The following MTCL1 variants were observed in gnomAD, a reference collection of about 807,000 sequenced individuals.
The protein encoded by MTCL1 is microtubule crosslinking factor 1.
Under a neutral mutation model 141.4 loss-of-function variants are expected in MTCL1, and 79 were observed. The observed-to-expected ratio is 0.56, with a 90% CI of 0.47 to 0.67. MTCL1 has a LOEUF of 0.67. MTCL1 is among the 30% of genes least tolerant of loss of function. The pLI is 0.00. For synonymous variants in MTCL1, 914 were observed against 875.8 expected (o/e 1.04, Z -0.77); for missense variants, 2,177 against 2,113.9 (o/e 1.03, Z -0.59).
exon 1 of MTCL1, chr18:8,706,701 C>G (rs751118859): frequency 3.9e-6 from 6 of 1,545,972 alleles, no homozygotes; most frequent in Non-Finnish European, 5.2e-6. Flanking sequence ...GCTCGGAGAA[C>G]GACTATCTCA....
chr18:8,728,755 G>A (rs1191190757), intron 4 of MTCL1, among the ~76,000 whole-genome samples: 2 of 62,908 alleles, frequency 3.2e-5, no homozygotes, highest in African/African-American at 9.6e-5. Flanking sequence ...TTTTGAGACG[G>A]AGTCTCGCTC....
At chr18:8,728,144 T>TA (rs143810899) in intron 4 of MTCL1, among the ~76,000 whole-genome samples, 2,728 of 152,326 alleles carry the variant, frequency 0.018, 104 homozygotes, top group African/African-American at 0.063. Flanking sequence ...TTCATCTTTT[T>TA]AAAATGACCT....
intron 4 of MTCL1, among the ~76,000 whole-genome samples, chr18:8,737,019 T>C (rs754205063): frequency 1.3e-5 from 2 of 152,076 alleles, no homozygotes; most frequent in African/African-American, 2.4e-5. Flanking sequence ...TCAGGAGGCA[T>C]GAGGGGATTT....
chr18:8,718,760 C>T, intron 3 of MTCL1, 112 bp downstream of exon 2: 2 of 952,054 alleles, frequency 2.1e-6, no homozygotes, highest in Non-Finnish European at 3.3e-6. Context: ...CAGATTGCAG[C>T]ATAAACAGTC....
upstream of MTCL1, among the ~76,000 whole-genome samples, chr18:8,715,543 T>C (rs2096123340): frequency 6.6e-6 from 1 of 152,220 alleles, no homozygotes; most frequent in Non-Finnish European, 1.5e-5. Flanking sequence ...CATTTAGTGA[T>C]TATTGCTTGT....
upstream of MTCL1, among the ~76,000 whole-genome samples, chr18:8,716,050 C>T (rs1436112548): frequency 6.6e-6 from 1 of 152,086 alleles, no homozygotes; most frequent in Middle Eastern, 3.2e-3. Flanking sequence ...GGAGAGATTT[C>T]CATGGAGGAA....
At chr18:8,735,444 C>T (rs2096270485) in intron 4 of MTCL1, among the ~76,000 whole-genome samples, 1 of 152,152 alleles carries the variant, frequency 6.6e-6, no homozygotes. Context: ...GGAACCCTTG[C>T]CGGAATGTGG....
chr18:8,809,504 G>T (rs1226630578), intron 11 of MTCL1: 83 of 1,536,042 alleles, frequency 5.4e-5, no homozygotes, highest in Non-Finnish European at 7.0e-5. Context: ...GCTTCACCAG[G>T]CTGCCAGCTG....
At chr18:8,751,429 T>G (rs2096370707) in intron 4 of MTCL1, among the ~76,000 whole-genome samples, 1 of 152,192 alleles carries the variant, frequency 6.6e-6, no homozygotes, top group Non-Finnish European at 1.5e-5. Flanking sequence ...GCCGCTACTG[T>G]TACTGCTCAA....
intron 12 of MTCL1, among the ~76,000 whole-genome samples, chr18:8,815,844 G>A (rs941640260): frequency 1.3e-5 from 2 of 152,072 alleles, no homozygotes; most frequent in Non-Finnish European, 2.9e-5. Flanking sequence ...TCTGAAACAC[G>A]TGAGTTTCGG....
At position 8,725,010 on chromosome 18, in the gene MTCL1, AC is replaced by A. The variant is rs1251996656; in HGVS notation, c.357+4516del. Among the ~76,000 whole-genome samples, 8 of 150,846 alleles carry A rather than the reference AC, an allele frequency of 5.3e-5. No homozygotes were observed. In the East Asian group the frequency reaches 1.6e-3, roughly 29 times the overall value. Reference sequence around the variant, plus strand: ...TATATTTCTTCTAGTATTCAACTCTACCTATAGTGGAATCTCTCAAAAAGTA... The same window carrying A: ...TATATTTCTTCTAGTATTCAACTCTACTATAGTGGAATCTCTCAAAAAGTA... On this transcript the variant is annotated intron_variant, in intron 4 of 16. Coordinates refer to ENST00000359865, the Ensembl canonical transcript of MTCL1.
chr18:8,778,064 C>T (rs2096518506), intron 5 of MTCL1, 172 bp downstream of exon 4: 3 of 517,894 alleles, frequency 5.8e-6, no homozygotes, highest in South Asian at 6.8e-5. Context: ...TCTTTGCAAA[C>T]CCACAGCTCC....
intron 4 of MTCL1, among the ~76,000 whole-genome samples, chr18:8,774,991 C>A (rs2096500307): frequency 1.3e-5 from 2 of 151,850 alleles, no homozygotes; most frequent in South Asian, 4.2e-4. Context: ...CTAGAAGAGT[C>A]CATCCAAGGG....
intron 12 of MTCL1, among the ~76,000 whole-genome samples, 181 bp downstream of exon 11, chr18:8,813,414 C>T (rs1465304512): frequency 6.7e-6 from 1 of 148,534 alleles, no homozygotes; most frequent in Non-Finnish European, 1.5e-5. Context: ...CATGCCTCTC[C>T]ATGACACAGA....
At chr18:8,774,800 T>C (rs1017551283) in intron 4 of MTCL1, among the ~76,000 whole-genome samples, 4 of 152,258 alleles carry the variant, frequency 2.6e-5, no homozygotes, top group African/African-American at 9.6e-5. Context: ...TGGTTAACTT[T>C]AAAACTTTAA....
At chr18:8,799,135 C>G (rs569115844) in intron 10 of MTCL1, among the ~76,000 whole-genome samples, 179 of 152,358 alleles carry the variant, frequency 1.2e-3, no homozygotes, top group African/African-American at 4.1e-3. Context: ...GGGCGCGGCT[C>G]TAGCCTCTCA....
intron 4 of MTCL1, among the ~76,000 whole-genome samples, chr18:8,752,699 G>A (rs1402702547): frequency 6.6e-6 from 1 of 152,208 alleles, no homozygotes; most frequent in Non-Finnish European, 1.5e-5. Context: ...CATAAAGACA[G>A]TCTAGAAATG....
rs192421166 is a variant in MTCL1 at position 8,805,396 on chromosome 18, A to G, written c.2437-1497A>G. ...TTCCTGCATTAACTTGCTTAGGATA[A>G]TGGCCTCCAGCTGCAACCATGTTGC... On this transcript the variant is annotated intron_variant, in intron 10 of 16. Transcript: ENST00000359865. Among the ~76,000 whole-genome samples the G allele has an allele frequency of 2.0e-5, 3 of 152,348 alleles. No homozygotes were observed. In the East Asian group the frequency reaches 5.8e-4, roughly 29 times the overall value.
At chr18:8,746,220 G>C (rs1047553070) in intron 4 of MTCL1, among the ~76,000 whole-genome samples, 2 of 152,208 alleles carry the variant, frequency 1.3e-5, no homozygotes, top group Non-Finnish European at 2.9e-5. Context: ...GTCTGTTCAA[G>C]TCTCACCCTC....
Sources: gnomAD v4.1 joint callset for allele counts (sites outside exome capture counted in the v4.1 genomes callset) on GRCh38, gnomAD v4.1.1 for gene constraint, MANE v1.5 for transcripts, NCBI Gene and HGNC (gene_info 2026-07-23, HGNC 2026-07-21) for gene names.